Variants in SLC11A2 observed in about 807,000 individuals in gnomAD.
The protein encoded by SLC11A2 is natural resistance-associated macrophage protein 2.
In SLC11A2, 38 loss-of-function variants were observed where a neutral mutation model predicts 68.0. That is an observed-to-expected ratio of 0.56 (90% CI 0.43 to 0.73). The LOEUF is 0.73. Ranked by LOEUF, SLC11A2 falls within the 30% of genes least tolerant of loss-of-function variation. SLC11A2 has a pLI of 0.00. For missense variants in SLC11A2, 517 were observed against 690.5 expected (o/e 0.75, Z 2.82); for synonymous variants, 242 against 250.6 (o/e 0.97, Z 0.32).
At chr12:51,010,624 G>T in intron 2 of SLC11A2, 71 bp downstream of exon 2, 1 of 875,656 alleles carries the variant, frequency 1.1e-6, no homozygotes, top group Non-Finnish European at 1.9e-6. Flanking sequence ...GGAAAAATAT[G>T]ATAAATTTCT....
At chr12:50,968,691 G>A in the SLC11A2 span, among the ~76,000 whole-genome samples, 7 of 152,042 alleles carry the variant, frequency 4.6e-5, no homozygotes, top group East Asian at 1.9e-4. Flanking sequence ...ACAGGCACCC[G>A]TCACCACACC....
At chr12:51,005,264 G>A (rs1942622336) in intron 4 of SLC11A2, 47 bp downstream of exon 4, 5 of 1,602,710 alleles carry the variant, frequency 3.1e-6, no homozygotes, top group Admixed American at 1.7e-5. Flanking sequence ...AAGGATGTGA[G>A]AGTGTATTAT....
At chr12:50,954,019 G>C in the SLC11A2 span, 2 of 1,612,032 alleles carry the variant, frequency 1.2e-6, no homozygotes, top group East Asian at 2.2e-5. Flanking sequence ...ATAACCAGTG[G>C]TCAGCAGATG....
chr12:50,960,999 T>C, the SLC11A2 span: 4 of 1,605,414 alleles, frequency 2.5e-6, no homozygotes, highest in Admixed American at 1.7e-5. Flanking sequence ...TGGTGTCCTG[T>C]GGTCTTTACA....
At chr12:51,001,788 C>A (rs1427120263) in intron 5 of SLC11A2, among the ~76,000 whole-genome samples, 1 of 151,964 alleles carries the variant, frequency 6.6e-6, no homozygotes, top group Non-Finnish European at 1.5e-5. Context: ...GAGCTATGAT[C>A]ATGCCACTGC....
chr12:50,975,247 A>T (rs1939833658), downstream of SLC11A2, among the ~76,000 whole-genome samples: 3 of 152,110 alleles, frequency 2.0e-5, no homozygotes, highest in Admixed American at 6.6e-5. Context: ...GAAGTAAAGC[A>T]CTCCTCAGCA....
downstream of SLC11A2, among the ~76,000 whole-genome samples, chr12:50,982,770 C>T (rs1461920372): frequency 6.6e-6 from 1 of 151,676 alleles, no homozygotes; most frequent in Non-Finnish European, 1.5e-5. Flanking sequence ...ATGGCGAAAC[C>T]CCTCGACTAA....
chr12:51,002,053 A>C (rs1269702409), intron 5 of SLC11A2, among the ~76,000 whole-genome samples: 1 of 152,168 alleles, frequency 6.6e-6, no homozygotes, highest in East Asian at 1.9e-4. Context: ...GCTAGCATCC[A>C]AAAAATTTGT....
Position 51,008,464 on chromosome 12 carries a change from C to G in SLC11A2, c.183+12G>C. 6.2e-7 allele frequency: 1 copy of G among 1,611,154 alleles called. No individual in the cohort carries two copies. Among genetic ancestry groups the G allele is most frequent in the Non-Finnish European group, 8.5e-7 (1 of 1,177,534 alleles). On this transcript the variant is annotated intron_variant, in intron 3 of 15. Coordinates refer to ENST00000262052, the MANE Select transcript of SLC11A2 (RefSeq NM_000617.3). ...AGACAATAGTGTTCTCCTCCAAGGACCTGATACTAACCTCCTCCTCAGGAA... is the reference window on the plus strand; with the variant it reads ...AGACAATAGTGTTCTCCTCCAAGGAGCTGATACTAACCTCCTCCTCAGGAA...
the SLC11A2 span, chr12:50,970,514 A>T: frequency 6.7e-7 from 1 of 1,502,584 alleles, no homozygotes. Flanking sequence ...TGAAGCTTAC[A>T]TGCTGGAAGC....
At chr12:50,974,786 T>C (rs1339081742), downstream of SLC11A2, among the ~76,000 whole-genome samples, 1 of 152,018 alleles carries the variant, frequency 6.6e-6, no homozygotes, top group Non-Finnish European at 1.5e-5. Flanking sequence ...AATAAAGGGA[T>C]GGAGGAAGAT....
the SLC11A2 span, among the ~76,000 whole-genome samples, chr12:50,963,996 A>G: frequency 6.6e-6 from 1 of 152,226 alleles, no homozygotes; most frequent in African/African-American, 2.4e-5. Context: ...AGGATACAGA[A>G]TCCCTTCATA....
downstream of SLC11A2, among the ~76,000 whole-genome samples, chr12:50,978,128 C>A (rs1238701916): frequency 6.6e-6 from 1 of 152,044 alleles, no homozygotes; most frequent in Non-Finnish European, 1.5e-5. Context: ...TTGACCCAGC[C>A]ATCCCATTAC....
intron 6 of SLC11A2, 31 bp downstream of exon 6, chr12:51,000,282 A>G (rs1425752739): frequency 6.8e-7 from 1 of 1,469,232 alleles, no homozygotes; most frequent in Non-Finnish European, 9.5e-7. Context: ...CCAGCAAAAC[A>G]CTGATGACTT....
intron 4 of SLC11A2, 50 bp downstream of exon 4, chr12:51,005,261 T>G (rs144433072): frequency 1.3e-6 from 2 of 1,598,994 alleles, no homozygotes; most frequent in Non-Finnish European, 1.7e-6. Context: ...GAAAAGGATG[T>G]GAGAGTGTAT....
rs879624858 is a variant in SLC11A2 at position 50,996,964 on chromosome 12, T to C, written c.684A>G (p.Thr228=). Residue 228 remains threonine (T), a synonymous_variant, in exon 9 of 16, where the codon ACA becomes ACG. Coordinates refer to ENST00000262052, the MANE Select transcript of SLC11A2 (RefSeq NM_000617.3). ...GTACCTGGCTCTGGCTGGGTTTCAC[T>C]GTAACATACTACATACCAACATAAC... ...MALTFGYEYV[T]VKPSQSQVLK... is the part of the protein sequence containing the mutation. The C allele has an allele frequency of 1.2e-6, 2 of 1,613,960 alleles. No homozygotes were observed. Among genetic ancestry groups the C allele is most frequent in the Non-Finnish European group, 1.7e-6 (2 of 1,179,824 alleles).
rs141728916 is a variant in SLC11A2, at chr12:51,005,423, C to T, written c.197G>A (p.Ser66Asn). The T allele has an allele frequency of 1.6e-3, 2,583 of 1,613,756 alleles. 6 individuals carry two copies. The highest frequency in any genetic ancestry group is 2.0e-3 in the Non-Finnish European group (2,406 of 1,179,808). The part of the protein sequence containing the change: ...SIPEEEYSCF[S>N]FRKLWAFTGP... ...GGTGAAAGCCCAGAGTTTACGAAAG[C>T]TAAAACAAGAGTACTGTACAAGAGA... Residue 66 changes from serine (S) to asparagine (N), a missense_variant, in exon 4 of 16, where the codon AGC becomes AAC. Ser to Asn is a conservative substitution (Grantham distance 46, BLOSUM62 1). Transcript: ENST00000262052.
chr12:50,983,135 A>G (rs1047169308), downstream of SLC11A2, among the ~76,000 whole-genome samples: 1 of 151,800 alleles, frequency 6.6e-6, no homozygotes, highest in African/African-American at 2.4e-5. Flanking sequence ...CCATCCTCCC[A>G]TCTCAGCCTC....
In SLC11A2 at chr12:51,004,769, A is replaced by G; in HGVS notation, c.429+19T>C. The G allele has an allele frequency of 6.2e-7, 1 of 1,613,290 alleles. No homozygotes were observed. On this transcript the variant is annotated intron_variant, in intron 5 of 15. Transcript: ENST00000262052. ...CCTATGGCATGGGTGAGAGACAAAC[A>G]GGACAATACATTGCTCACCTTGGGA... is the stretch of plus-strand genomic sequence containing the variant.
Sources: gnomAD v4.1 joint callset for allele counts (sites outside exome capture counted in the v4.1 genomes callset) on GRCh38, gnomAD v4.1.1 for gene constraint, MANE v1.5 for transcripts, NCBI Gene and HGNC (gene_info 2026-07-23, HGNC 2026-07-21) for gene names.